Variants in KLHL29 observed in about 807,000 individuals in gnomAD.
KLHL29 encodes the protein kelch-like protein 29.
In KLHL29, 21 loss-of-function variants were observed where a neutral mutation model predicts 80.4. The observed-to-expected ratio is 0.26, with a 90% CI of 0.19 to 0.38. The LOEUF (loss-of-function observed/expected upper bound fraction) is 0.38, where lower values mean the gene tolerates loss of function less well. KLHL29 is among the 10% of genes least tolerant of loss of function. The probability of loss-of-function intolerance (pLI) is 1.00; values close to 1 mark genes in which losing one functional copy is unlikely to be tolerated. For missense variants in KLHL29, 867 were observed against 1,223.9 expected, an observed-to-expected ratio of 0.71 and a Z score of 4.35; for synonymous variants, 511 against 526.8, an observed-to-expected ratio of 0.97 and a Z score of 0.41.
At chr2:23,568,614 G>A (rs1178623859) in intron 3 of KLHL29, among the ~76,000 whole-genome samples, 1 of 152,194 alleles carries the variant, frequency 6.6e-6, no homozygotes, top group Non-Finnish European at 1.5e-5. Context: ...CTCTTCCTGA[G>A]GCATGTTTGC....
At chr2:23,436,036 G>A (rs996699357) in intron 1 of KLHL29, among the ~76,000 whole-genome samples, 4 of 151,610 alleles carry the variant, frequency 2.6e-5, no homozygotes, top group East Asian at 3.9e-4. Context: ...CTTCTGCCCC[G>A]GGCTTTTCAA....
intron 1 of KLHL29, among the ~76,000 whole-genome samples, chr2:23,461,004 C>T (rs1664193715): frequency 6.6e-6 from 1 of 152,188 alleles, no homozygotes; most frequent in Non-Finnish European, 1.5e-5. Context: ...TGAGAGGCCA[C>T]TAAAGGATTT....
At chr2:23,421,443 C>T (rs1301288209) in intron 1 of KLHL29, among the ~76,000 whole-genome samples, 2 of 152,030 alleles carry the variant, frequency 1.3e-5, no homozygotes, top group Admixed American at 1.3e-4. Context: ...GGTGGCTGCT[C>T]CTGGAGGGGA....
rs13432290 is a variant in KLHL29, at chr2:23,651,361, G to T, written c.940+8511G>T. On this transcript the variant is annotated intron_variant, in intron 5 of 13. Transcript: ENST00000486442. Reference sequence around the variant, plus strand: ...CTAAGACTGTGAACAGTCTGGTTCTGCCCACAGGCCTCTCACTACCTTGCC... The same window carrying T: ...CTAAGACTGTGAACAGTCTGGTTCTTCCCACAGGCCTCTCACTACCTTGCC... Among the ~76,000 whole-genome samples the T allele has an allele frequency of 7.4e-3, 1,122 of 152,168 alleles. 13 individuals carry two copies. Among genetic ancestry groups the T allele is most frequent in the African/African-American group, 0.026 (1,070 of 41,504 alleles).
At position 23,678,952 on chromosome 2, in the gene KLHL29, T is replaced by G. The variant is rs142356106; in HGVS notation, c.941-5447T>G. Among the ~76,000 whole-genome samples the G allele has an allele frequency of 1.2e-3, 182 of 152,038 alleles. 3 individuals are homozygous for G. In the East Asian group the frequency reaches 0.033, roughly 28 times the overall value. ...TGTTTAATGGGTGTGGAGTTTCCGT[T>G]TGTGAAGATGAAAAGGATTCCAGAG... On this transcript the variant is annotated intron_variant, in intron 5 of 13. Transcript: ENST00000486442.
intron 3 of KLHL29, among the ~76,000 whole-genome samples, chr2:23,595,930 TCC>T (rs1668383454): frequency 6.6e-6 from 1 of 152,170 alleles, no homozygotes; most frequent in Admixed American, 6.5e-5. Context: ...CTCTCCTGCA[TCC>T]CCATCCCATC....
chr2:23,528,538 C>T (rs1666397926), intron 2 of KLHL29, among the ~76,000 whole-genome samples: 2 of 152,196 alleles, frequency 1.3e-5, no homozygotes, highest in Non-Finnish European at 2.9e-5. Flanking sequence ...CTTGCATGGA[C>T]CCTGAGCCCA....
At chr2:23,391,731 G>A (rs1358196135) in intron 1 of KLHL29, among the ~76,000 whole-genome samples, 3 of 152,158 alleles carry the variant, frequency 2.0e-5, no homozygotes, top group African/African-American at 7.2e-5. Flanking sequence ...TAGCCACCGC[G>A]CCCAGCCCTA....
Position 23,562,295 on chromosome 2 carries a change from C to T in KLHL29, c.99C>T (p.Cys33=), listed in dbSNP as rs1279055153. ...GGACGCATGGGACCACCAGCATCTG[C>T]AGTGTCACCTCGGGGGCCGGTGGCG... is the stretch of plus-strand genomic sequence containing the variant. The part of the protein sequence containing the change: ...VNGTHGTTSI[C]SVTSGAGGGT... Residue 33 remains cysteine, a synonymous_variant, in exon 3 of 14, where the codon TGC becomes TGT. Coordinates refer to ENST00000486442, the MANE Select transcript of KLHL29 (RefSeq NM_052920.2). This position sits in a 1 kb window ranked among gnomAD's most constrained non-coding sequence, Gnocchi z 4.5. The T allele has an allele frequency of 1.0e-5, 16 of 1,546,898 alleles. No individual in the cohort carries two copies. The East Asian group carries it at 3.4e-4, about 33-fold the overall frequency.
chr2:23,643,842 C>T (rs1288006581), intron 5 of KLHL29: 1 of 152,234 alleles, frequency 6.6e-6, no homozygotes, highest in Non-Finnish European at 1.5e-5. Context: ...GGGGTGTCTA[C>T]ATCTCTTTTG....
intron 2 of KLHL29, among the ~76,000 whole-genome samples, chr2:23,541,023 G>A (rs1666817213): frequency 6.6e-6 from 1 of 152,182 alleles, no homozygotes; most frequent in Admixed American, 6.5e-5. Context: ...CCAGGGGTGG[G>A]GCACAACACC....
At chr2:23,398,702 ACAG>A (rs1194839167) in intron 1 of KLHL29, among the ~76,000 whole-genome samples, 1 of 152,228 alleles carries the variant, frequency 6.6e-6, no homozygotes, top group Non-Finnish European at 1.5e-5. Flanking sequence ...GGTTCCAAAG[ACAG>A]CAGAAAACTT....
chr2:23,544,432 A>G (rs1709334), intron 2 of KLHL29, among the ~76,000 whole-genome samples: 61,273 of 152,092 alleles, frequency 0.4, 13,730 homozygotes, highest in East Asian at 0.88. Flanking sequence ...TCTGTGCCTC[A>G]GTTTCCTAAT....
At chr2:23,545,384 C>G (rs1410439726) in intron 2 of KLHL29, among the ~76,000 whole-genome samples, 2 of 152,220 alleles carry the variant, frequency 1.3e-5, no homozygotes, top group Non-Finnish European at 2.9e-5. Flanking sequence ...TGCTATGACA[C>G]ACGCAGTTTA....
chr2:23,452,878 G>C (rs1366166370), intron 1 of KLHL29, among the ~76,000 whole-genome samples: 1 of 151,522 alleles, frequency 6.6e-6, no homozygotes, highest in African/African-American at 2.4e-5. Flanking sequence ...AGTGGGCTCT[G>C]TTGAGGGACT....
chr2:23,412,136 C>T (rs868725012), intron 1 of KLHL29, among the ~76,000 whole-genome samples: 3 of 96,702 alleles, frequency 3.1e-5, no homozygotes, highest in South Asian at 5.6e-4. Context: ...GGGGGGGGGG[C>T]GGTGCGGTAG....
At chr2:23,602,734 G>T (rs775777820) in intron 3 of KLHL29, among the ~76,000 whole-genome samples, 1 of 151,666 alleles carries the variant, frequency 6.6e-6, no homozygotes, top group Non-Finnish European at 1.5e-5. Context: ...GATTACAGGC[G>T]TGAGGCACCA....
chr2:23,701,799 T>A (rs866990822), intron 11 of KLHL29, among the ~76,000 whole-genome samples: 1 of 122,402 alleles, frequency 8.2e-6, no homozygotes, highest in East Asian at 2.4e-4. Flanking sequence ...TTTGCTTTTT[T>A]TTTTTTTTTT....
chr2:23,670,840 C>G (rs1025274139), intron 5 of KLHL29, among the ~76,000 whole-genome samples: 5 of 148,528 alleles, frequency 3.4e-5, no homozygotes, highest in Non-Finnish European at 5.9e-5. Context: ...CCTGGTTCTT[C>G]CAGGGTCTTC....
Sources: allele counts gnomAD v4.1 joint callset (sites outside exome capture counted in the v4.1 genomes callset), GRCh38; gene constraint gnomAD v4.1.1; non-coding constraint Gnocchi (gnomAD v3.1); transcripts MANE v1.5; gene names NCBI Gene and HGNC (gene_info 2026-07-23, HGNC 2026-07-21).